Variants in SLC25A48 observed in about 807,000 individuals in gnomAD.
SLC25A48 encodes the protein CTC-321K16.1.
SLC25A48 carries 29 observed loss-of-function variants against 32.2 expected under a neutral mutation model. That is an observed-to-expected ratio of 0.90 (90% CI 0.67 to 1.23). The LOEUF is 1.23. Among genes scored for constraint, SLC25A48 ranks in the 50% most tolerant of loss-of-function variants. The pLI, the probability that SLC25A48 is intolerant of heterozygous loss-of-function variation, is 0.00. For synonymous variants in SLC25A48, 164 were observed against 172.3 expected (o/e 0.95, Z 0.38); for missense variants, 399 against 422.7 (o/e 0.94, Z 0.49).
intron 3 of SLC25A48, among the ~76,000 whole-genome samples, chr5:135,670,722 C>G (rs1453725002): frequency 1.3e-5 from 2 of 152,176 alleles, no homozygotes; most frequent in African/African-American, 4.8e-5. Flanking sequence ...TGGGAGGAAG[C>G]ATTCAACGTT....
intron 7 of SLC25A48, among the ~76,000 whole-genome samples, chr5:135,885,354 C>G (rs1190811166): frequency 6.6e-6 from 1 of 152,150 alleles, no homozygotes; most frequent in East Asian, 1.9e-4. Flanking sequence ...TGCTGTGTGC[C>G]CAACACCCTC....
intron 2 of SLC25A48, among the ~76,000 whole-genome samples, chr5:135,842,924 G>A (rs183673506): frequency 2.0e-5 from 3 of 152,334 alleles, no homozygotes; most frequent in African/African-American, 4.8e-5. Flanking sequence ...CTCTGGGAAC[G>A]GAGCCATAAA....
At chr5:135,772,788 C>T (rs1476451165) in intron 3 of SLC25A48, among the ~76,000 whole-genome samples, 1 of 151,292 alleles carries the variant, frequency 6.6e-6, no homozygotes, top group East Asian at 1.9e-4. Flanking sequence ...GATAATATTA[C>T]TCCCAATGTC....
chr5:135,762,893 A>C lies in SLC25A48; in HGVS notation c.-520-49630A>C, dbSNP rs544052806. On this transcript the variant is annotated intron_variant, in intron 3 of 10. Transcript: ENST00000646290. ...GTGAGTGTGAGAAACAGCAAATGTG[A>C]GTGTGTGAATGTGTGTTTGTGTGGC... Among the ~76,000 whole-genome samples, 100 of 151,932 alleles carry C rather than the reference A, an allele frequency of 6.6e-4. 1 individual carries two copies. In the South Asian group the frequency reaches 0.021, roughly 31 times the overall value.
At chr5:135,828,422 C>T (rs530487365) in intron 4 of SLC25A48, among the ~76,000 whole-genome samples, 130 of 152,294 alleles carry the variant, frequency 8.5e-4, no homozygotes, top group Admixed American at 2.4e-3. Flanking sequence ...AGTTATCACC[C>T]CCATCTTACA....
At chr5:135,795,849 CGCTGGAGTTGT>C (rs1757156634) in intron 3 of SLC25A48, among the ~76,000 whole-genome samples, 1 of 147,402 alleles carries the variant, frequency 6.8e-6, no homozygotes, top group Non-Finnish European at 1.5e-5. Flanking sequence ...CTCCCCATAT[CGCTGGAGTTGT>C]ACATCCCCGA....
At chr5:135,790,009 C>T (rs1004857537) in intron 3 of SLC25A48, among the ~76,000 whole-genome samples, 15 of 151,684 alleles carry the variant, frequency 9.9e-5, no homozygotes, top group Non-Finnish European at 1.8e-4. Context: ...GGTGTACACT[C>T]CCTGTGAAAT....
chr5:135,881,576 A>C (rs1243170863), intron 7 of SLC25A48, among the ~76,000 whole-genome samples: 1 of 152,268 alleles, frequency 6.6e-6, no homozygotes, highest in African/African-American at 2.4e-5. Flanking sequence ...GTGAAGAATT[A>C]CTGCATTTGG....
At chr5:135,631,138 G>A (rs546037293) in intron 2 of SLC25A48, among the ~76,000 whole-genome samples, 23 of 152,312 alleles carry the variant, frequency 1.5e-4, no homozygotes, top group African/African-American at 5.1e-4. Flanking sequence ...CAGTTTTGTG[G>A]CTAGCTTTAT....
chr5:135,794,865 C>A (rs1168281711), intron 3 of SLC25A48, among the ~76,000 whole-genome samples: 1 of 151,750 alleles, frequency 6.6e-6, no homozygotes, highest in Non-Finnish European at 1.5e-5. Flanking sequence ...CCCAGTATAT[C>A]AGGGGGTGAA....
intron 3 of SLC25A48, among the ~76,000 whole-genome samples, chr5:135,794,310 G>C (rs977454969): frequency 6.6e-6 from 1 of 151,450 alleles, no homozygotes; most frequent in African/African-American, 2.4e-5. Context: ...CAAATATCCA[G>C]GGGGTGAGAG....
chr5:135,825,114 G>C (rs189381552), intron 4 of SLC25A48: 2 of 152,182 alleles, frequency 1.3e-5, no homozygotes, highest in African/African-American at 4.8e-5. Flanking sequence ...ATACAACCAC[G>C]TACCTAAAGT....
chr5:135,768,299 G>T (rs775028201), intron 3 of SLC25A48, among the ~76,000 whole-genome samples: 2 of 149,524 alleles, frequency 1.3e-5, no homozygotes, highest in Non-Finnish European at 3.0e-5. Flanking sequence ...TTTGTAATAT[G>T]CAACGAAAGA....
At chr5:135,591,210 C>A (rs970080879) in intron 1 of SLC25A48, among the ~76,000 whole-genome samples, 1 of 152,258 alleles carries the variant, frequency 6.6e-6, no homozygotes, top group East Asian at 1.9e-4. Context: ...AATGACCCTG[C>A]AGATATTCTC....
intron 3 of SLC25A48, among the ~76,000 whole-genome samples, chr5:135,731,544 G>A (rs2126992060): frequency 6.6e-6 from 1 of 152,340 alleles, no homozygotes. Context: ...GAGTGGGAGA[G>A]ATTAAGCTGA....
chr5:135,718,957 T>G (rs1020677958), intron 3 of SLC25A48, among the ~76,000 whole-genome samples: 1 of 152,044 alleles, frequency 6.6e-6, no homozygotes, highest in Non-Finnish European at 1.5e-5. Context: ...ATAGAACTAT[T>G]GAACACACAC....
In SLC25A48 at chr5:135,743,893, T is replaced by G. The variant is rs187651216; in HGVS notation, c.-520-68630T>G. On this transcript the variant is annotated intron_variant, in intron 3 of 10. Coordinates refer to the SLC25A48 transcript ENST00000646290. ...GACATGTTAACTGTAACTTTAGGAC[T>G]GTAACCTCAGTCTAACTCCTTGTCT... 3.7e-4 allele frequency among the ~76,000 whole-genome samples: 56 copies of G among 152,374 alleles called. No homozygotes were observed. The East Asian group carries it at 0.01, about 27-fold the overall frequency.
At chr5:135,710,932 G>A (rs1355585093) in intron 3 of SLC25A48, among the ~76,000 whole-genome samples, 2 of 152,236 alleles carry the variant, frequency 1.3e-5, no homozygotes, top group East Asian at 3.9e-4. Flanking sequence ...AATCCATCAT[G>A]TGGATTTTTT....
At chr5:135,868,175 T>G (rs1031026082) in intron 4 of SLC25A48, among the ~76,000 whole-genome samples, 1 of 151,866 alleles carries the variant, frequency 6.6e-6, no homozygotes, top group Non-Finnish European at 1.5e-5. Flanking sequence ...AAAACAAAAA[T>G]AAGAGGCCAG....
Sources: gnomAD v4.1 joint callset for allele counts (sites outside exome capture counted in the v4.1 genomes callset) on GRCh38, gnomAD v4.1.1 for gene constraint, MANE v1.5 for transcripts, NCBI Gene and HGNC (gene_info 2026-07-23, HGNC 2026-07-21) for gene names.